Variants in DRC7 observed in about 807,000 individuals in gnomAD.
DRC7 encodes coiled-coil domain containing 135.
Under a neutral mutation model 104.4 loss-of-function variants are expected in DRC7, and 80 were observed. The observed-to-expected ratio is 0.77, with a 90% CI of 0.64 to 0.92. The LOEUF is 0.92. DRC7 is among the 40% of genes least tolerant of loss of function. The pLI, the probability that DRC7 is intolerant of heterozygous loss-of-function variation, is 0.00. For synonymous variants in DRC7, 405 were observed against 447.3 expected, an observed-to-expected ratio of 0.91 and a Z score of 1.19; for missense variants, 1,034 against 1,141.1, an observed-to-expected ratio of 0.91 and a Z score of 1.35.
chr16:57,729,788 G>C (rs111209696), intron 17 of DRC7, among the ~76,000 whole-genome samples: 14,838 of 122,866 alleles, frequency 0.12, 619 homozygotes, highest in Non-Finnish European at 0.14. Context: ...GTGGGTGGAT[G>C]GGTGGATGGA....
chr16:57,716,071 C>T (rs778407567), intron 8 of DRC7, among the ~76,000 whole-genome samples: 1 of 152,164 alleles, frequency 6.6e-6, no homozygotes, highest in Non-Finnish European at 1.5e-5. Flanking sequence ...GCAAACGTAC[C>T]CTGGGCACAT....
intron 6 of DRC7, among the ~76,000 whole-genome samples, chr16:57,703,904 T>C (rs1444025916): frequency 6.4e-5 from 9 of 139,584 alleles, no homozygotes; most frequent in Non-Finnish European, 1.2e-4. Context: ...AAGGTGGAGG[T>C]TGCAGTGAGC....
chr16:57,702,197 C>A (rs985990232), intron 6 of DRC7, 67 bp downstream of exon 6: 4 of 1,542,496 alleles, frequency 2.6e-6, no homozygotes, highest in Non-Finnish European at 3.5e-6. Context: ...TCGTGCCATC[C>A]TTAGAGACGT....
intron 8 of DRC7, among the ~76,000 whole-genome samples, chr16:57,715,549 C>T (rs1379263026): frequency 6.6e-6 from 1 of 152,242 alleles, no homozygotes; most frequent in East Asian, 1.9e-4. Context: ...CCTCTCATCA[C>T]TCTGCCTCCC....
chr16:57,717,321 A>G (rs1342186117), intron 8 of DRC7, among the ~76,000 whole-genome samples: 7 of 146,842 alleles, frequency 4.8e-5, no homozygotes, highest in African/African-American at 7.6e-5. Flanking sequence ...TGCAGCCTCA[A>G]CTTCCTGGAA....
intron 7 of DRC7, among the ~76,000 whole-genome samples, chr16:57,706,034 A>C (rs1489600559): frequency 1.2e-5 from 1 of 82,598 alleles, no homozygotes; most frequent in East Asian, 3.8e-4. Context: ...CCATCCTCCC[A>C]TCCACCCATC....
chr16:57,709,623 CTGAT>C (rs1482114363), intron 8 of DRC7, among the ~76,000 whole-genome samples: 9 of 151,954 alleles, frequency 5.9e-5, no homozygotes, highest in Non-Finnish European at 8.8e-5. Flanking sequence ...GTAAATTAGA[CTGAT>C]TGTGTTCCCC....
At chr16:57,699,076 G>A (rs1454959110) in intron 4 of DRC7, 52 bp downstream of exon 4, 1 of 1,588,696 alleles carries the variant, frequency 6.3e-7, no homozygotes, top group Non-Finnish European at 8.6e-7. Flanking sequence ...CTGGAGAGCA[G>A]AGGGCACAGG....
At chr16:57,696,081 C>T (rs914113128) in intron 1 of DRC7, among the ~76,000 whole-genome samples, 2 of 152,182 alleles carry the variant, frequency 1.3e-5, no homozygotes, top group African/African-American at 2.4e-5. Context: ...GTTTGTTTTC[C>T]TCATCTCTGG....
intron 9 of DRC7, among the ~76,000 whole-genome samples, chr16:57,718,677 A>C (rs1280200295): frequency 6.6e-6 from 1 of 152,194 alleles, no homozygotes; most frequent in South Asian, 2.1e-4. Flanking sequence ...AAACCTACCC[A>C]GGACCTCCCA....
At chr16:57,706,222 ATC>A (rs1194945397) in intron 7 of DRC7, among the ~76,000 whole-genome samples, 4 of 112,940 alleles carry the variant, frequency 3.5e-5, no homozygotes, top group Non-Finnish European at 7.4e-5. Context: ...CCTCCCATCC[ATC>A]CATCCTCCCA....
intron 17 of DRC7, among the ~76,000 whole-genome samples, chr16:57,730,225 A>G: frequency 7.8e-6 from 1 of 127,406 alleles, no homozygotes; most frequent in Non-Finnish European, 1.6e-5. Context: ...GGGTGGATGG[A>G]TGGATGGATG....
chr16:57,704,154 T>C (rs1376777269), intron 6 of DRC7, among the ~76,000 whole-genome samples: 2 of 152,106 alleles, frequency 1.3e-5, no homozygotes, highest in African/African-American at 4.8e-5. Flanking sequence ...GTGGTAGATA[T>C]TGTCACTTTT....
At chr16:57,719,820 A>G (rs1368470671) in intron 9 of DRC7, among the ~76,000 whole-genome samples, 2 of 152,098 alleles carry the variant, frequency 1.3e-5, no homozygotes, top group Non-Finnish European at 2.9e-5. Flanking sequence ...CACCAGTCAT[A>G]TTGGGTTAGG....
At chr16:57,726,599 T>C (rs2965771) in intron 14 of DRC7, 289,318 of 547,388 alleles carry the variant, frequency 0.53, 80,037 homozygotes, top group African/African-American at 0.78. Flanking sequence ...AGGGGCTAGC[T>C]TTCCTAGTCA....
At chr16:57,698,791 A>G in intron 3 of DRC7, 59 bp from the exon 4 acceptor site, 1 of 1,560,616 alleles carries the variant, frequency 6.4e-7, no homozygotes, top group Non-Finnish European at 8.8e-7. Flanking sequence ...AACTCAGTGG[A>G]ACCAGGGCTC....
intron 5 of DRC7, chr16:57,701,660 G>A: frequency 2.6e-6 from 1 of 384,240 alleles, no homozygotes; most frequent in South Asian, 4.6e-5. Context: ...CAGTCAGAGG[G>A]CATTAGATCA....
rs2048917748 is a variant in DRC7 at position 57,722,779 on chromosome 16, G to T, written c.1346G>T (p.Trp449Leu). The change falls in exon 11 of 19, where the codon TGG (tryptophan) becomes TTG (leucine). Residue 449 changes from tryptophan to leucine, a missense_variant. Physicochemically the swap from Trp to Leu is moderately conservative, Grantham distance 61. Coordinates refer to ENST00000360716, the MANE Select transcript of DRC7 (RefSeq NM_001289162.2). Reference protein sequence around the residue: ...IQYKRAKLEKWAPYLNSNGLV... With the variant: ...IQYKRAKLEKLAPYLNSNGLV... ...TACAAGAGGGCAAAGCTGGAGAAGT[G>T]GGCCCCGTACCTCAATAGCAATGGC... 1 of 1,613,772 alleles carries T rather than the reference G, an allele frequency of 6.2e-7. No homozygotes were observed. Among genetic ancestry groups the T allele is most frequent in the South Asian group, 1.1e-5 (1 of 91,090 alleles).
At position 57,724,751 on chromosome 16, in the gene DRC7, C is replaced by G. The variant is rs747214037; in HGVS notation, c.1674C>G (p.Phe558Leu). 3.1e-6 allele frequency: 5 copies of G among 1,613,790 alleles called. No homozygotes were observed. In the East Asian group the frequency reaches 6.7e-5, roughly 22 times the overall value. The change falls in exon 13 of 19, where the codon TTC becomes TTG. Residue 558 changes from phenylalanine to leucine, a missense_variant. Physicochemically the swap from Phe to Leu is conservative, Grantham distance 22. Transcript: ENST00000360716. ...AGTACTATCAAGGACGCCCAGACTT[C>G]CTCTCCTACCGCCATGCCAGCTTCG... is the stretch of plus-strand genomic sequence containing the variant. The part of the protein sequence containing the change: ...MTEYYQGRPD[F>L]LSYRHASFGP...
Sources: gnomAD v4.1 joint callset for allele counts (sites outside exome capture counted in the v4.1 genomes callset) on GRCh38, gnomAD v4.1.1 for gene constraint, MANE v1.5 for transcripts, NCBI Gene and HGNC (gene_info 2026-07-23, HGNC 2026-07-21) for gene names.